Variants in MGMT observed in about 807,000 individuals in gnomAD.
MGMT encodes the protein methylated-DNA--protein-cysteine methyltransferase.
MGMT carries 14 observed loss-of-function variants against 15.9 expected under a neutral mutation model. The ratio of observed to expected loss-of-function variants is 0.88; its 90% CI spans 0.58 to 1.37. The LOEUF is 1.37. MGMT is among the 40% of genes most tolerant of loss of function. MGMT has a pLI of 0.00. For missense variants in MGMT, 282 were observed against 268.1 expected, an observed-to-expected ratio of 1.05 and a Z score of -0.36; for synonymous variants, 130 against 118.2, an observed-to-expected ratio of 1.10 and a Z score of -0.65.
rs1291541758 is a variant in MGMT at position 129,533,956 on chromosome 10, A to C, written c.-12-2285A>C. Reference sequence around the variant, plus strand: ...GTTGGGGCAGCGTACTCCAGGGGATAAGATCAGAGGTGAAGGGGGTTGGGC... The same window carrying C: ...GTTGGGGCAGCGTACTCCAGGGGATCAGATCAGAGGTGAAGGGGGTTGGGC... On this transcript the variant is annotated intron_variant, in intron 1 of 4. Coordinates refer to ENST00000651593, the MANE Select transcript of MGMT (RefSeq NM_002412.5). This position sits in a 1 kb window ranked among gnomAD's most constrained non-coding sequence, Gnocchi z 4.5. Among the ~76,000 whole-genome samples the C allele has an allele frequency of 6.6e-6, 1 of 152,144 alleles. No homozygotes were observed. Among genetic ancestry groups the C allele is most frequent in the Non-Finnish European group, 1.5e-5 (1 of 68,036 alleles).
At chr10:129,625,719 G>A (rs1372418949) in intron 2 of MGMT, among the ~76,000 whole-genome samples, 6 of 71,612 alleles carry the variant, frequency 8.4e-5, no homozygotes, top group Non-Finnish European at 1.4e-4. Context: ...GTATACGAGT[G>A]TGCACACGTG....
At chr10:129,489,227 G>T (rs755866124) in intron 1 of MGMT, among the ~76,000 whole-genome samples, 4 of 151,304 alleles carry the variant, frequency 2.6e-5, no homozygotes, top group Admixed American at 6.6e-5. Flanking sequence ...GGGTGTGGTG[G>T]TGTGTGCCTG....
chr10:129,553,594 G>A (rs999695166), intron 2 of MGMT, among the ~76,000 whole-genome samples: 6 of 152,182 alleles, frequency 3.9e-5, no homozygotes, highest in African/African-American at 9.7e-5. Flanking sequence ...TCTGTGTCTC[G>A]TGTGTGGCAC....
rs1326731143 is a variant in MGMT, at chr10:129,556,804, A to G, written c.125+20427A>G. ...ATTTAAAAACTGGCTGTGGTGAGCA[A>G]TGTTAGTCCCAAATCACTTTTTCAC... On this transcript the variant is annotated intron_variant, in intron 2 of 4. Transcript: ENST00000651593. The surrounding 1 kb of genome is among the most constrained non-coding windows in gnomAD (Gnocchi z 4.3). Among the ~76,000 whole-genome samples the G allele has an allele frequency of 6.6e-6, 1 of 152,198 alleles. No individual in the cohort carries two copies. The highest frequency in any genetic ancestry group is 1.5e-5 in the Non-Finnish European group (1 of 68,030).
intron 2 of MGMT, among the ~76,000 whole-genome samples, chr10:129,599,122 G>A (rs1409316470): frequency 2.0e-5 from 3 of 152,216 alleles, no homozygotes; most frequent in Non-Finnish European, 4.4e-5. Context: ...CAGATGGACA[G>A]AAAAAGGAAA....
intron 2 of MGMT, among the ~76,000 whole-genome samples, chr10:129,607,785 A>C (rs1488635548): frequency 6.6e-6 from 1 of 152,222 alleles, no homozygotes; most frequent in Admixed American, 6.5e-5. Context: ...AGAATTAGAA[A>C]TATATCTGAT....
chr10:129,708,700 AATTT>A (rs1395517467), intron 3 of MGMT, among the ~76,000 whole-genome samples: 4 of 152,196 alleles, frequency 2.6e-5, no homozygotes, highest in Non-Finnish European at 5.9e-5. Flanking sequence ...ACATGCCAGA[AATTT>A]ATTTTGCATA....
chr10:129,577,090 T>C (rs1217265617), intron 2 of MGMT, among the ~76,000 whole-genome samples: 83 of 152,072 alleles, frequency 5.5e-4, no homozygotes, highest in African/African-American at 1.4e-3. Context: ...GAATCAATAT[T>C]GTGAAAATGG....
At chr10:129,586,398 A>C (rs905417282) in intron 2 of MGMT, among the ~76,000 whole-genome samples, 1 of 152,100 alleles carries the variant, frequency 6.6e-6, no homozygotes, top group African/African-American at 2.4e-5. Flanking sequence ...GTCACTGTGC[A>C]TTAGTTTGAT....
At chr10:129,734,699 G>C (rs1373075806) in intron 3 of MGMT, among the ~76,000 whole-genome samples, 1 of 152,216 alleles carries the variant, frequency 6.6e-6, no homozygotes, top group African/African-American at 2.4e-5. Context: ...CTGTGGGTTT[G>C]TCATAGATAG....
intron 2 of MGMT, among the ~76,000 whole-genome samples, chr10:129,607,896 G>A (rs1480633417): frequency 1.3e-5 from 2 of 152,210 alleles, no homozygotes; most frequent in Non-Finnish European, 2.9e-5. Flanking sequence ...AGAGGAGGAC[G>A]TGGGGTTAGC....
intron 1 of MGMT, among the ~76,000 whole-genome samples, chr10:129,501,885 G>A (rs1335721044): frequency 6.6e-6 from 1 of 152,198 alleles, no homozygotes; most frequent in African/African-American, 2.4e-5. Context: ...CTCCTTCAAG[G>A]GTGGCTTGGT....
At chr10:129,571,782 T>C (rs754366302) in intron 2 of MGMT, among the ~76,000 whole-genome samples, 3 of 152,364 alleles carry the variant, frequency 2.0e-5, no homozygotes, top group African/African-American at 7.2e-5. Context: ...TTGCTGGTCA[T>C]AATATGAAGA....
intron 2 of MGMT, among the ~76,000 whole-genome samples, chr10:129,706,750 C>T (rs971981915): frequency 2.0e-5 from 3 of 152,146 alleles, no homozygotes; most frequent in Non-Finnish European, 4.4e-5. Context: ...CAGGTGGCAG[C>T]GGGAGACCTC....
chr10:129,555,571 C>A (rs1197847082), intron 2 of MGMT, among the ~76,000 whole-genome samples: 1 of 151,756 alleles, frequency 6.6e-6, no homozygotes, highest in African/African-American at 2.4e-5. Flanking sequence ...AAAAATTATC[C>A]AGGCCTGGTG....
At chr10:129,662,815 C>T (rs972403013) in intron 2 of MGMT, among the ~76,000 whole-genome samples, 2 of 152,070 alleles carry the variant, frequency 1.3e-5, no homozygotes, top group African/African-American at 4.8e-5. Flanking sequence ...GCTAAAAAGG[C>T]ATTATAAGAG....
chr10:129,567,981 T>G (rs912409931), intron 2 of MGMT, among the ~76,000 whole-genome samples: 1 of 152,212 alleles, frequency 6.6e-6, no homozygotes, highest in Non-Finnish European at 1.5e-5. Context: ...AATGCTACTG[T>G]TCCCATCGTA....
chr10:129,536,757 TA>T (rs56140105), intron 2 of MGMT: 100 of 153,168 alleles, frequency 6.5e-4, no homozygotes, highest in East Asian at 1.3e-3. Flanking sequence ...TAATCTTGAT[TA>T]AAAAAAAAAG....
rs1048298471 is a variant in MGMT at position 129,769,027 on chromosome 10, A to G, written c.*2030A>G. 8.5e-5 allele frequency: 13 copies of G among 152,528 alleles called. No homozygotes were observed. Among genetic ancestry groups the G allele is most frequent in the African/African-American group, 2.7e-4 (11 of 41,468 alleles). The allele number at this position is 152,528 out of a possible 1,614,324, so 9.4% of individuals were successfully genotyped here. On this transcript the variant is annotated 3_prime_UTR_variant, in exon 5 of 5. Transcript: ENST00000651593. ...AGCCAGCGAGGGCCGAGCCCCCAGA[A>G]TCCAGGTCAGCTCCTGGTGGCAGGG...
Sources: allele counts gnomAD v4.1 joint callset (sites outside exome capture counted in the v4.1 genomes callset), GRCh38; gene constraint gnomAD v4.1.1; non-coding constraint Gnocchi (gnomAD v3.1); transcripts MANE v1.5; gene names NCBI Gene and HGNC (gene_info 2026-07-23, HGNC 2026-07-21).